The following SEMA4B variants were observed in gnomAD, a reference collection of about 807,000 sequenced individuals.
SEMA4B encodes the protein semaphorin-4B.
A neutral mutation model predicts 88.1 loss-of-function variants in SEMA4B; 55 were observed. That is an observed-to-expected ratio of 0.62 (90% CI 0.50 to 0.78). The LOEUF is 0.78. Ranked by LOEUF, SEMA4B falls within the 30% of genes least tolerant of loss-of-function variation. The probability of loss-of-function intolerance (pLI) is 0.00; values close to 1 mark genes in which losing one functional copy is unlikely to be tolerated. For synonymous variants in SEMA4B, 525 were observed against 473.6 expected (o/e 1.11, Z -1.41); for missense variants, 1,062 against 1,111.9 (o/e 0.96, Z 0.64).
At chr15:90,221,242 A>G in intron 5 of SEMA4B, 125 bp from the exon 6 acceptor site, 3 of 1,150,962 alleles carry the variant, frequency 2.6e-6, no homozygotes, top group East Asian at 2.6e-5. Flanking sequence ...TGGTTTTTCC[A>G]AGTTCCAGCT....
chr15:90,219,958 T>G, intron 4 of SEMA4B, 67 bp downstream of exon 4: 10 of 1,214,776 alleles, frequency 8.2e-6, no homozygotes, highest in South Asian at 2.5e-5. Context: ...CCAGGGATCC[T>G]GTTCTGTAGC....
intron 1 of SEMA4B, among the ~76,000 whole-genome samples, chr15:90,202,455 C>A (rs1033840599): frequency 6.6e-5 from 10 of 152,246 alleles, no homozygotes; most frequent in African/African-American, 2.4e-4. Context: ...CTGGTCCTCA[C>A]ATCTGCTTCT....
chr15:90,185,426 A>G (rs1236041500), intron 1 of SEMA4B, among the ~76,000 whole-genome samples: 1 of 152,230 alleles, frequency 6.6e-6, no homozygotes, highest in Non-Finnish European at 1.5e-5. Context: ...CCCCTGCGGA[A>G]TGGTCGTGGA....
upstream of SEMA4B, among the ~76,000 whole-genome samples, chr15:90,196,895 T>C (rs1960527113): frequency 6.6e-6 from 1 of 152,242 alleles, no homozygotes. Flanking sequence ...TGTTTTTAAA[T>C]TTAATGTATT....
At chr15:90,198,249 A>G (rs747638563), upstream of SEMA4B, among the ~76,000 whole-genome samples, 1 of 151,926 alleles carries the variant, frequency 6.6e-6, no homozygotes, top group African/African-American at 2.4e-5. Flanking sequence ...AAGTTGATAT[A>G]AAAAAAATAG....
chr15:90,224,487 G>T (rs1962037401), intron 9 of SEMA4B, among the ~76,000 whole-genome samples: 1 of 152,240 alleles, frequency 6.6e-6, no homozygotes, highest in African/African-American at 2.4e-5. Flanking sequence ...GAAACCAAAA[G>T]AGGGTGTGTC....
chr15:90,217,867 G>T (rs1376629750), intron 3 of SEMA4B, 38 bp downstream of exon 3: 1 of 1,576,198 alleles, frequency 6.3e-7, no homozygotes, highest in South Asian at 1.1e-5. Context: ...GCTGCAGGAG[G>T]GATGGAGGGT....
At chr15:90,198,486 A>G (rs749126046), upstream of SEMA4B, among the ~76,000 whole-genome samples, 13 of 152,228 alleles carry the variant, frequency 8.5e-5, no homozygotes, top group Non-Finnish European at 1.9e-4. Context: ...CATAACTAAT[A>G]TATCGTATGT....
chr15:90,219,556 G>A (rs1214991487), intron 3 of SEMA4B: 4 of 316,662 alleles, frequency 1.3e-5, no homozygotes, highest in Non-Finnish European at 1.8e-5. Context: ...CTAGGCCGAA[G>A]GAAAGTTTGC....
upstream of SEMA4B, chr15:90,201,248 A>C: frequency 6.2e-6 from 6 of 973,476 alleles, no homozygotes; most frequent in East Asian, 8.1e-5. Context: ...TCGCGCTGCC[A>C]GCGCCCGGGA....
intron 3 of SEMA4B, chr15:90,219,363 T>G (rs115861160): frequency 0.028 from 4,344 of 156,192 alleles, 88 homozygotes; most frequent in African/African-American, 0.057. Context: ...AGGTGCCAGT[T>G]AGATACCCCA....
At chr15:90,217,336 C>T (rs933332982) in intron 1 of SEMA4B, 103 bp from the exon 2 acceptor site, 44 of 1,261,232 alleles carry the variant, frequency 3.5e-5, no homozygotes, top group Admixed American at 5.2e-5. Flanking sequence ...CACCCTTTGC[C>T]TTGCTGATTA....
At chr15:90,198,896 C>T (rs1960602391), upstream of SEMA4B, among the ~76,000 whole-genome samples, 1 of 152,160 alleles carries the variant, frequency 6.6e-6, no homozygotes, top group Non-Finnish European at 1.5e-5. Context: ...AAGATGGAGT[C>T]TTGCTCTGTA....
Position 90,225,651 on chromosome 15 carries a change from G to T in SEMA4B, c.1522-10G>T. 6.4e-7 allele frequency: 1 copy of T among 1,560,382 alleles called. No homozygotes were observed. Among genetic ancestry groups the T allele is most frequent in the Non-Finnish European group, 8.7e-7 (1 of 1,153,628 alleles). On this transcript the variant is annotated splice_polypyrimidine_tract_variant and intron_variant, in intron 11 of 13. Coordinates refer to ENST00000411539, the MANE Select transcript of SEMA4B (RefSeq NM_198925.4). ...ATGCCCGCTTCTCATCCCCGTGTCT[G>T]GCTGTGCAGGGGCTGCTGTATGCGG...
intron 1 of SEMA4B, among the ~76,000 whole-genome samples, chr15:90,186,881 C>T (rs1413232737): frequency 1.3e-5 from 2 of 151,720 alleles, no homozygotes; most frequent in East Asian, 3.9e-4. Flanking sequence ...TGCAGTGAGC[C>T]GAGATTGCAC....
intron 1 of SEMA4B, among the ~76,000 whole-genome samples, chr15:90,188,665 A>T (rs1162622721): frequency 1.3e-5 from 2 of 151,794 alleles, no homozygotes; most frequent in African/African-American, 4.8e-5. Context: ...GTAGATCAGG[A>T]TACGTATTGT....
At position 90,217,440 on chromosome 15, in the gene SEMA4B, C is replaced by G. The variant is rs777062147; in HGVS notation, c.159C>G (p.Gly53=). Residue 53 remains glycine, a splice_region_variant and synonymous_variant, in exon 2 of 14, where the codon GGC becomes GGG. Transcript: ENST00000411539. The part of the protein sequence containing the change: ...ALSPRISLPL[G]SEERPFLRFE... Reference sequence around the variant, plus strand: ...TAATACCCATCTTCCTCTCCCCAGGCTCTGAAGAGCGGCCATTCCTCAGAT... The same window carrying G: ...TAATACCCATCTTCCTCTCCCCAGGGTCTGAAGAGCGGCCATTCCTCAGAT... The G allele has an allele frequency of 6.2e-7, 1 of 1,612,562 alleles. No individual in the cohort carries two copies. Among genetic ancestry groups the G allele is most frequent in the Non-Finnish European group, 8.5e-7 (1 of 1,179,190 alleles).
At chr15:90,224,183 C>T (rs1962023022) in intron 9 of SEMA4B, among the ~76,000 whole-genome samples, 195 bp downstream of exon 9, 1 of 152,218 alleles carries the variant, frequency 6.6e-6, no homozygotes, top group African/African-American at 2.4e-5. Context: ...GTCAGAATAT[C>T]TTCAGTTCTG....
rs575414904 is a variant in SEMA4B, at chr15:90,223,964, G to A, written c.1170G>A (p.Pro390=). The part of the protein sequence containing the change: ...ETQQWYTVTH[P]VPTPRPGACI... ...AGCAGTGGTACACCGTGACCCACCC[G>A]GTGCCCACACCCCGGCCTGGAGCGG... Residue 390 remains proline (P), a synonymous_variant, in exon 9 of 14, where the codon CCG becomes CCA. Transcript: ENST00000411539. 285 of 1,613,280 alleles carry A rather than the reference G, an allele frequency of 1.8e-4. 6 individuals carry two copies. In the South Asian group the frequency reaches 2.2e-3, roughly 12 times the overall value.
Sources: allele counts gnomAD v4.1 joint callset (sites outside exome capture counted in the v4.1 genomes callset), GRCh38; gene constraint gnomAD v4.1.1; transcripts MANE v1.5; gene names NCBI Gene and HGNC (gene_info 2026-07-23, HGNC 2026-07-21).